Variants in CAP2 observed in about 807,000 individuals in gnomAD.
CAP2 encodes adenylyl cyclase-associated protein 2.
Under a neutral mutation model 57.7 loss-of-function variants are expected in CAP2, and 24 were observed. The ratio of observed to expected loss-of-function variants is 0.42; its 90% CI spans 0.30 to 0.58. The LOEUF is 0.58. Among genes scored for constraint, CAP2 ranks in the 20% least tolerant of loss-of-function variants. The probability of loss-of-function intolerance (pLI) is 0.22; values close to 1 mark genes in which losing one functional copy is unlikely to be tolerated. For missense variants in CAP2, 501 were observed against 590.3 expected (o/e 0.85, Z 1.57); for synonymous variants, 194 against 207.2 (o/e 0.94, Z 0.55).
At chr6:17,423,271 C>T (rs1002587615) in intron 2 of CAP2, among the ~76,000 whole-genome samples, 4 of 152,112 alleles carry the variant, frequency 2.6e-5, no homozygotes, top group Admixed American at 6.5e-5. Flanking sequence ...TGGTTTATTT[C>T]CCCCCTGAAC....
chr6:17,418,704 G>T (rs1268984032), intron 1 of CAP2, among the ~76,000 whole-genome samples: 2 of 152,084 alleles, frequency 1.3e-5, no homozygotes, highest in Non-Finnish European at 2.9e-5. Context: ...GTCTATGGTG[G>T]TAACATTTGG....
intron 3 of CAP2, among the ~76,000 whole-genome samples, chr6:17,448,660 T>G (rs935308083): frequency 6.6e-6 from 1 of 152,236 alleles, no homozygotes; most frequent in African/African-American, 2.4e-5. Context: ...TCTTACATTA[T>G]AGATTTTGCA....
chr6:17,443,603 G>T (rs1046070374), intron 3 of CAP2, among the ~76,000 whole-genome samples: 1 of 150,022 alleles, frequency 6.7e-6, no homozygotes, highest in South Asian at 2.1e-4. Flanking sequence ...ACGTGCGCAC[G>T]TGCACTCCCT....
intron 4 of CAP2, among the ~76,000 whole-genome samples, chr6:17,499,358 C>A (rs1761741577): frequency 7.7e-6 from 1 of 130,362 alleles, no homozygotes. Context: ...GAGATCATGC[C>A]ATTGCACTCC....
At position 17,440,988 on chromosome 6, in the gene CAP2, A is replaced by G; in HGVS notation, c.222+14298A>G. ...TTCCAGCTTCATCCGTGTCGCTACA[A>G]AGGACATGAACTCATCCTTTTTTAT... On this transcript the variant is annotated intron_variant, in intron 3 of 12. Transcript: ENST00000229922. Among the ~76,000 whole-genome samples, 2 of 151,272 alleles carry G rather than the reference A, an allele frequency of 1.3e-5. 1 individual carries two copies. Among genetic ancestry groups the G allele is most frequent in the African/African-American group, 4.9e-5 (2 of 40,616 alleles).
intron 1 of CAP2, among the ~76,000 whole-genome samples, chr6:17,405,363 CAG>C (rs1466212799): frequency 1.3e-5 from 2 of 152,174 alleles, no homozygotes; most frequent in African/African-American, 4.8e-5. Flanking sequence ...GCCTGGGCGA[CAG>C]AGTGAGACCC....
rs1008671535 is a variant in CAP2, at chr6:17,478,508, G to A, written c.300+15435G>A. Among the ~76,000 whole-genome samples the A allele has an allele frequency of 4.6e-5, 7 of 151,586 alleles. No individual in the cohort carries two copies. The South Asian group carries it at 8.4e-4, about 18-fold the overall frequency. On this transcript the variant is annotated intron_variant, in intron 4 of 12. Transcript: ENST00000229922. ...GATAACATTATAAATATCCCTTTTC[G>A]TGTTGTTGTGACCTCCTACCTTCCC...
At chr6:17,435,717 T>TAAGTTTTCGGAA (rs1759859569) in intron 3 of CAP2, among the ~76,000 whole-genome samples, 1 of 77,852 alleles carries the variant, frequency 1.3e-5, no homozygotes, top group Non-Finnish European at 2.7e-5. Flanking sequence ...AGTTTACGGA[T>TAAGTTTTCGGAA]AAAAAAAAAA....
intron 3 of CAP2, 22 bp from the exon 4 acceptor site, chr6:17,462,974 C>T (rs1760765358): frequency 1.2e-6 from 2 of 1,603,356 alleles, no homozygotes; most frequent in Non-Finnish European, 1.7e-6. Context: ...ATTGAAACTG[C>T]CATCTTCCTC....
At chr6:17,525,039 G>C (rs1425272495) in intron 7 of CAP2, among the ~76,000 whole-genome samples, 1 of 151,796 alleles carries the variant, frequency 6.6e-6, no homozygotes, top group East Asian at 1.9e-4. Context: ...TGGGACTACA[G>C]GTGCGCGCCA....
intron 4 of CAP2, among the ~76,000 whole-genome samples, chr6:17,480,337 G>A (rs1014589270): frequency 3.3e-5 from 5 of 152,126 alleles, no homozygotes; most frequent in Non-Finnish European, 7.3e-5. Flanking sequence ...GGCCCAAAAT[G>A]TCCATCCTTC....
intron 3 of CAP2, among the ~76,000 whole-genome samples, chr6:17,435,188 T>C (rs567955411): frequency 3.6e-5 from 4 of 112,486 alleles, no homozygotes; most frequent in African/African-American, 9.9e-5. Context: ...TGGGTATATA[T>C]CCAAATGAGT....
intron 3 of CAP2, among the ~76,000 whole-genome samples, chr6:17,441,409 T>C (rs1760069231): frequency 6.6e-6 from 1 of 151,668 alleles, no homozygotes; most frequent in Non-Finnish European, 1.5e-5. Context: ...TTTAAAATAC[T>C]TTTTAAATCT....
chr6:17,426,791 GT>G, intron 3 of CAP2, 101 bp downstream of exon 3: 1 of 794,612 alleles, frequency 1.3e-6, no homozygotes, highest in Non-Finnish European at 2.2e-6. Context: ...TATTTATTTA[GT>G]TTTTACTCTG....
At chr6:17,457,038 A>G (rs571798579) in intron 3 of CAP2, among the ~76,000 whole-genome samples, 79 of 152,284 alleles carry the variant, frequency 5.2e-4, no homozygotes, top group African/African-American at 1.9e-3. Context: ...TCTGAAATTC[A>G]TTCCCCTGTT....
intron 4 of CAP2, among the ~76,000 whole-genome samples, chr6:17,473,012 C>T (rs1041188360): frequency 6.6e-6 from 1 of 151,588 alleles, no homozygotes; most frequent in Non-Finnish European, 1.5e-5. Context: ...AGATCCTGTC[C>T]TGTTGGAACA....
At chr6:17,493,986 G>C (rs1295646116) in intron 4 of CAP2, among the ~76,000 whole-genome samples, 1 of 152,046 alleles carries the variant, frequency 6.6e-6, no homozygotes, top group African/African-American at 2.4e-5. Flanking sequence ...AGAGACCAAG[G>C]AGTCATTCCT....
chr6:17,416,638 C>T (rs866376837), intron 1 of CAP2, among the ~76,000 whole-genome samples: 1 of 152,008 alleles, frequency 6.6e-6, no homozygotes, highest in Non-Finnish European at 1.5e-5. Flanking sequence ...CCAAATAATA[C>T]ACAGAGATAG....
chr6:17,400,116 C>T (rs1255214632), intron 1 of CAP2, among the ~76,000 whole-genome samples: 3 of 151,958 alleles, frequency 2.0e-5, no homozygotes, highest in South Asian at 4.1e-4. Flanking sequence ...GTCCCAGCTA[C>T]TTGGGAGGCT....
Sources: allele counts gnomAD v4.1 joint callset (sites outside exome capture counted in the v4.1 genomes callset), GRCh38; gene constraint gnomAD v4.1.1; transcripts MANE v1.5; gene names NCBI Gene and HGNC (gene_info 2026-07-23, HGNC 2026-07-21).